The following OTOGL variants were observed in gnomAD, a reference collection of about 807,000 sequenced individuals.
OTOGL encodes otogelin like, also known as otogelin-like protein.
In OTOGL, 285 loss-of-function variants were observed where a neutral mutation model predicts 318.5. The observed-to-expected ratio is 0.89, with a 90% confidence interval of 0.81 to 0.99. OTOGL has a LOEUF of 0.99. Among genes scored for constraint, OTOGL ranks in the 50% least tolerant of loss-of-function variants. The pLI is 0.00. For missense variants in OTOGL, 2,899 were observed against 2,845.6 expected, an observed-to-expected ratio of 1.02 and a Z score of -0.43; for synonymous variants, 987 against 936.5, an observed-to-expected ratio of 1.05 and a Z score of -0.99.
At chr12:80,239,073 A>G (rs1211433668) in intron 10 of OTOGL, 95 bp downstream of exon 10, 3 of 1,317,304 alleles carry the variant, frequency 2.3e-6, no homozygotes, top group Non-Finnish European at 2.0e-6. Flanking sequence ...TAAACACAAC[A>G]TAATTTAAAA....
At chr12:80,281,589 C>T (rs1193687898) in intron 26 of OTOGL, among the ~76,000 whole-genome samples, 2 of 151,844 alleles carry the variant, frequency 1.3e-5, no homozygotes, top group African/African-American at 4.8e-5. Context: ...CTGCTAGATT[C>T]AGTTTGCTAG....
At chr12:80,123,040 T>C (rs1051766037) in intron 1 of OTOGL, among the ~76,000 whole-genome samples, 1 of 152,098 alleles carries the variant, frequency 6.6e-6, no homozygotes, top group Non-Finnish European at 1.5e-5. Context: ...TTTTCTTTTT[T>C]TTTTTAATTA....
At chr12:80,328,525 A>G (rs567634848) in intron 35 of OTOGL, 140 bp from the exon 36 acceptor site, 1 of 636,422 alleles carries the variant, frequency 1.6e-6, no homozygotes, top group Admixed American at 2.9e-5. Flanking sequence ...TAGCAGATGG[A>G]GCAGTTGTTA....
intron 11 of OTOGL, among the ~76,000 whole-genome samples, chr12:80,241,802 A>G (rs1023162447): frequency 1.1e-4 from 16 of 152,124 alleles, no homozygotes; most frequent in Non-Finnish European, 2.9e-5. Flanking sequence ...TTGGATTGGC[A>G]TCGTGGCTCT....
intron 1 of OTOGL, among the ~76,000 whole-genome samples, chr12:80,118,907 T>C (rs1870324928): frequency 6.6e-6 from 1 of 151,960 alleles, no homozygotes; most frequent in African/African-American, 2.4e-5. Flanking sequence ...GAATTGCTCT[T>C]TGATATTGAT....
intron 14 of OTOGL, among the ~76,000 whole-genome samples, 173 bp downstream of exon 14, chr12:80,253,747 T>C (rs1881781306): frequency 6.6e-6 from 1 of 152,166 alleles, no homozygotes; most frequent in Non-Finnish European, 1.5e-5. Context: ...TTTCCTTTTA[T>C]GATGTAATTC....
intron 27 of OTOGL, 107 bp from the exon 28 acceptor site, chr12:80,302,527 A>G (rs1474136081): frequency 1.1e-5 from 8 of 720,704 alleles, no homozygotes; most frequent in Non-Finnish European, 1.5e-5. Flanking sequence ...CCATGCAACA[A>G]TATTAGTACA....
intron 1 of OTOGL, among the ~76,000 whole-genome samples, chr12:80,134,778 A>G (rs955911418): frequency 1.3e-5 from 2 of 152,128 alleles, no homozygotes; most frequent in African/African-American, 4.8e-5. Context: ...CTCTTTGTCT[A>G]TGTTTATGTC....
intron 1 of OTOGL, among the ~76,000 whole-genome samples, chr12:80,181,812 T>C (rs1307450441): frequency 6.6e-6 from 1 of 152,134 alleles, no homozygotes; most frequent in Admixed American, 6.6e-5. Context: ...GTATATATCA[T>C]AGGTTCTCTT....
chr12:80,295,660 A>T (rs1316255927), intron 26 of OTOGL, among the ~76,000 whole-genome samples: 1 of 152,228 alleles, frequency 6.6e-6, no homozygotes, highest in Non-Finnish European at 1.5e-5. Flanking sequence ...ACAATCAGTG[A>T]ATGGGCTCTT....
chr12:80,121,267 C>T (rs547206489), intron 1 of OTOGL, among the ~76,000 whole-genome samples: 6 of 152,240 alleles, frequency 3.9e-5, no homozygotes, highest in Admixed American at 2.0e-4. Context: ...ATCTCTAAAG[C>T]CACCTCAAGG....
intron 9 of OTOGL, among the ~76,000 whole-genome samples, chr12:80,236,411 G>A (rs903086378): frequency 4.6e-5 from 7 of 152,002 alleles, no homozygotes; most frequent in African/African-American, 1.5e-4. Flanking sequence ...CATTAGATAT[G>A]GATTGAAAAA....
At chr12:80,253,672 A>T in intron 14 of OTOGL, 98 bp downstream of exon 14, 11 of 916,786 alleles carry the variant, frequency 1.2e-5, no homozygotes, top group Admixed American at 2.6e-5. Context: ...TTACTAATTT[A>T]CTTCCCAAAT....
chr12:80,354,251 C>T (rs897139768), intron 46 of OTOGL, among the ~76,000 whole-genome samples: 1 of 152,160 alleles, frequency 6.6e-6, no homozygotes, highest in Admixed American at 6.5e-5. Flanking sequence ...TTCCTCTTCA[C>T]ATCTGTCCAC....
chr12:80,249,213 T>G (rs1035054021), intron 11 of OTOGL, among the ~76,000 whole-genome samples: 4 of 148,920 alleles, frequency 2.7e-5, no homozygotes, highest in Non-Finnish European at 5.9e-5. Context: ...GGTGAGGAAC[T>G]GCGTTCCTTT....
chr12:80,356,057 A>G, intron 47 of OTOGL, 109 bp downstream of exon 47: 1 of 1,239,386 alleles, frequency 8.1e-7, no homozygotes, highest in Non-Finnish European at 1.1e-6. Context: ...AAGGGCCATA[A>G]ATGTCATTTT....
intron 1 of OTOGL, chr12:80,132,898 A>G (rs1484658108): frequency 6.6e-6 from 1 of 152,186 alleles, no homozygotes; most frequent in Non-Finnish European, 1.5e-5. Context: ...GAATTTATGA[A>G]TGTCTTCCCC....
chr12:80,193,237 G>C (rs1173909609), intron 1 of OTOGL, among the ~76,000 whole-genome samples: 1 of 152,114 alleles, frequency 6.6e-6, no homozygotes, highest in Admixed American at 6.6e-5. Context: ...AGGTAAGCAG[G>C]CCAGGTATAG....
Position 80,320,489 on chromosome 12 carries a change from T to C in OTOGL, c.3870T>C (p.Asp1290=), listed in dbSNP as rs772048648. 5 of 1,613,648 alleles carry C rather than the reference T, an allele frequency of 3.1e-6. No homozygotes were observed. The East Asian group carries it at 6.7e-5, about 22-fold the overall frequency. The change falls in exon 34 of 59, where the codon GAT becomes GAC. Residue 1290 remains aspartate (D), a synonymous_variant. Coordinates refer to ENST00000547103, the MANE Select transcript of OTOGL (RefSeq NM_001378609.3). ...ACTTTCTCTATGTCCATGACAATGATACTCTTAGCTTGGAGCTGTGGGAGG... is the reference window on the plus strand; with the variant it reads ...ACTTTCTCTATGTCCATGACAATGACACTCTTAGCTTGGAGCTGTGGGAGG... ...PNYFLYVHDN[D]TLSLELWEAN... is the part of the protein sequence containing the mutation.
Sources: allele counts gnomAD v4.1 joint callset (sites outside exome capture counted in the v4.1 genomes callset), GRCh38; gene constraint gnomAD v4.1.1; transcripts MANE v1.5; gene names NCBI Gene and HGNC (gene_info 2026-07-23, HGNC 2026-07-21).